Variants in GOLM2 observed in about 807,000 individuals in gnomAD.
GOLM2 encodes the protein golgi membrane protein 2.
GOLM2 carries 26 observed loss-of-function variants against 55.9 expected under a neutral mutation model. That is an observed-to-expected ratio of 0.47 (90% confidence interval 0.34 to 0.65). The LOEUF (loss-of-function observed/expected upper bound fraction) is 0.65, where lower values mean the gene tolerates loss of function less well. Ranked by LOEUF, GOLM2 falls within the 30% of genes least tolerant of loss-of-function variation. The probability of loss-of-function intolerance (pLI) is 0.01; values close to 1 mark genes in which losing one functional copy is unlikely to be tolerated. For synonymous variants in GOLM2, 165 were observed against 194.6 expected (o/e 0.85, Z 1.27); for missense variants, 486 against 531.8 (o/e 0.91, Z 0.85).
chr15:44,385,646 A>G (rs1209881169), intron 8 of GOLM2, among the ~76,000 whole-genome samples: 1 of 152,106 alleles, frequency 6.6e-6, no homozygotes, highest in Admixed American at 6.6e-5. Flanking sequence ...TCCTAGGCTC[A>G]AGTAATCCTC....
chr15:44,412,601 A>G (rs868643050), intron 9 of GOLM2, among the ~76,000 whole-genome samples: 1 of 152,122 alleles, frequency 6.6e-6, no homozygotes, highest in African/African-American at 2.4e-5. Flanking sequence ...AATATTGGAT[A>G]CTTTTATAAT....
chr15:44,294,584 C>T (rs1595610367), intron 1 of GOLM2, among the ~76,000 whole-genome samples: 1 of 151,672 alleles, frequency 6.6e-6, no homozygotes, highest in Non-Finnish European at 1.5e-5. Context: ...TATGGTGGTG[C>T]GCACCTGTAG....
At chr15:44,369,066 ATTATATAT>A (rs1355836438) in intron 6 of GOLM2, among the ~76,000 whole-genome samples, 16 of 60,076 alleles carry the variant, frequency 2.7e-4, no homozygotes, top group African/African-American at 1.1e-3. Flanking sequence ...AATAGGATAT[ATTATATAT>A]ATATATATAT....
chr15:44,395,080 G>C (rs576445722), intron 8 of GOLM2, among the ~76,000 whole-genome samples: 6 of 151,538 alleles, frequency 4.0e-5, no homozygotes, highest in Non-Finnish European at 7.4e-5. Flanking sequence ...TGCAATCTTG[G>C]CTCACTGCAA....
chr15:44,313,356 T>C (rs1244823533), intron 1 of GOLM2, among the ~76,000 whole-genome samples: 1 of 152,372 alleles, frequency 6.6e-6, no homozygotes, highest in African/African-American at 2.4e-5. Context: ...CTCCTCCTAC[T>C]CCTGATAATC....
intron 8 of GOLM2, among the ~76,000 whole-genome samples, chr15:44,391,600 A>G (rs1192411018): frequency 6.6e-6 from 1 of 150,978 alleles, no homozygotes; most frequent in Non-Finnish European, 1.5e-5. Context: ...ACAAAAATGA[A>G]AAAAAAAGAA....
intron 9 of GOLM2, chr15:44,405,439 A>G (rs2079591106): frequency 2.0e-5 from 3 of 152,224 alleles, no homozygotes; most frequent in Admixed American, 2.0e-4. Context: ...ATGCAGGAAC[A>G]TCAGCTCCAA....
chr15:44,315,046 C>G (rs574711384), intron 1 of GOLM2, among the ~76,000 whole-genome samples: 1 of 152,320 alleles, frequency 6.6e-6, no homozygotes, highest in South Asian at 2.1e-4. Flanking sequence ...CCAAACCTGG[C>G]TGCTTATCAG....
intron 8 of GOLM2, among the ~76,000 whole-genome samples, chr15:44,387,650 T>C (rs550887837): frequency 6.6e-6 from 1 of 152,022 alleles, no homozygotes; most frequent in African/African-American, 2.4e-5. Context: ...TAATCCCAGC[T>C]ACTTGGGAGG....
intron 6 of GOLM2, among the ~76,000 whole-genome samples, chr15:44,357,088 C>T (rs189536811): frequency 6.6e-6 from 1 of 152,102 alleles, no homozygotes; most frequent in East Asian, 1.9e-4. Context: ...GGGAGGATTG[C>T]TTGAGCCCAG....
At chr15:44,351,022 A>G (rs1256279354) in intron 6 of GOLM2, among the ~76,000 whole-genome samples, 1 of 152,196 alleles carries the variant, frequency 6.6e-6, no homozygotes, top group Non-Finnish European at 1.5e-5. Flanking sequence ...AGCTAGTATC[A>G]TACTGAAGAG....
At chr15:44,381,445 A>G (rs1317007877) in intron 8 of GOLM2, among the ~76,000 whole-genome samples, 2 of 152,136 alleles carry the variant, frequency 1.3e-5, no homozygotes, top group African/African-American at 2.4e-5. Flanking sequence ...CATTTTCCTC[A>G]TTTAGATGTT....
At chr15:44,371,254 A>G (rs998619148) in intron 6 of GOLM2, among the ~76,000 whole-genome samples, 1 of 152,152 alleles carries the variant, frequency 6.6e-6, no homozygotes, top group African/African-American at 2.4e-5. Context: ...TCTTGTGCTG[A>G]TGGTTGTACA....
In GOLM2 at chr15:44,289,783, T is replaced by C. The variant is rs934318206; in HGVS notation, c.327+427T>C. Among the ~76,000 whole-genome samples, 6 of 152,252 alleles carry C rather than the reference T, an allele frequency of 3.9e-5. No homozygotes were observed. The highest frequency in any genetic ancestry group is 1.4e-4 in the African/African-American group (6 of 41,472). ...GTTATTTAAAGAACGAAGCCGCCTC[T>C]GACTCCTCTACTTATGGTAGTCATC... On this transcript the variant is annotated intron_variant, in intron 1 of 9. Coordinates refer to ENST00000299957, the MANE Select transcript of GOLM2 (RefSeq NM_138423.4). The surrounding 1 kb of genome is among the most constrained non-coding windows in gnomAD (Gnocchi z 4.8).
At chr15:44,411,592 A>T (rs1595672775) in intron 9 of GOLM2, among the ~76,000 whole-genome samples, 1 of 152,080 alleles carries the variant, frequency 6.6e-6, no homozygotes, top group African/African-American at 2.4e-5. Context: ...CTGTAATCCC[A>T]GTACTTTGGG....
intron 6 of GOLM2, among the ~76,000 whole-genome samples, chr15:44,358,016 A>T (rs1193931452): frequency 6.6e-6 from 1 of 152,234 alleles, no homozygotes; most frequent in Non-Finnish European, 1.5e-5. Flanking sequence ...TCAAAATCCC[A>T]GGAAGTTATT....
At chr15:44,344,287 G>GTGTA (rs1254503455) in intron 6 of GOLM2, among the ~76,000 whole-genome samples, 2 of 138,312 alleles carry the variant, frequency 1.4e-5, no homozygotes, top group South Asian at 2.3e-4. Context: ...ATATGTGTGT[G>GTGTA]TATATATATA....
At chr15:44,331,024 C>G (rs1422898695) in intron 3 of GOLM2, among the ~76,000 whole-genome samples, 1 of 151,596 alleles carries the variant, frequency 6.6e-6, no homozygotes, top group East Asian at 1.9e-4. Context: ...TTGTGTTTTT[C>G]TTTTTTTGAG....
At chr15:44,312,863 G>A (rs1000852929) in intron 1 of GOLM2, among the ~76,000 whole-genome samples, 3 of 151,798 alleles carry the variant, frequency 2.0e-5, no homozygotes, top group African/African-American at 4.8e-5. Context: ...GGCGGATCAC[G>A]AGGTCAGCAG....
Sources: allele counts gnomAD v4.1 joint callset (sites outside exome capture counted in the v4.1 genomes callset), GRCh38; gene constraint gnomAD v4.1.1; non-coding constraint Gnocchi (gnomAD v3.1); transcripts MANE v1.5; gene names NCBI Gene and HGNC (gene_info 2026-07-23, HGNC 2026-07-21).